Variants in CDKN2B-AS1 observed in about 807,000 individuals in gnomAD.
CDKN2B-AS1 encodes CDKN2B antisense RNA 1 (non-protein coding).
At chr9:22,077,247 A>T (rs1043731726) in intron 4 of CDKN2B-AS1, among the ~76,000 whole-genome samples, 1 of 150,172 alleles carries the variant, frequency 6.7e-6, no homozygotes, top group Non-Finnish European at 1.5e-5. Context: ...AATATACTTC[A>T]TTTAACTCAA....
At chr9:22,101,938 C>T (rs1825498404) in intron 4 of CDKN2B-AS1, among the ~76,000 whole-genome samples, 1 of 152,256 alleles carries the variant, frequency 6.6e-6, no homozygotes, top group South Asian at 2.1e-4. Flanking sequence ...GTCTATGGCA[C>T]ATACCTTAAA....
In CDKN2B-AS1 at chr9:22,027,275, T is replaced by A. The variant is rs10965214; in HGVS notation, n.30-19476T>A. On this transcript the variant is annotated intron_variant and non_coding_transcript_variant, in intron 1 of 4. Coordinates refer to ENST00000650946, the Ensembl canonical transcript of CDKN2B-AS1. ...ATTTTTTTACATTTATTTACATTGT[T>A]AAGCTGTTTTATTTTAAAAATTCTA... Among the ~76,000 whole-genome samples, 85 of 152,310 alleles carry A rather than the reference T, an allele frequency of 5.6e-4. 1 individual carries two copies. The East Asian group carries it at 0.016, about 29-fold the overall frequency.
chr9:22,024,703 G>A (rs905139071), intron 1 of CDKN2B-AS1, among the ~76,000 whole-genome samples: 10 of 152,218 alleles, frequency 6.6e-5, no homozygotes, highest in African/African-American at 2.4e-4. Context: ...TGCTAGTGGG[G>A]CAACTAAAGC....
intron 3 of CDKN2B-AS1, among the ~76,000 whole-genome samples, chr9:22,052,233 G>C (rs140107205): frequency 1.1e-4 from 16 of 152,084 alleles, no homozygotes; most frequent in Non-Finnish European, 2.2e-4. Flanking sequence ...TGGATGGGGG[G>C]CTTCAATGTC....
intron 4 of CDKN2B-AS1, chr9:22,118,885 G>C (rs1439455106): frequency 6.6e-6 from 1 of 152,110 alleles, no homozygotes; most frequent in African/African-American, 2.4e-5. Context: ...ATATAGGATT[G>C]TTAAATGGAT....
At chr9:22,067,412 A>G (rs531092898) in intron 4 of CDKN2B-AS1, among the ~76,000 whole-genome samples, 1 of 152,320 alleles carries the variant, frequency 6.6e-6, no homozygotes, top group Admixed American at 6.5e-5. Context: ...GAAGCTTCAT[A>G]GAACAAGAGC....
At chr9:22,075,830 C>A (rs1824470176) in intron 4 of CDKN2B-AS1, among the ~76,000 whole-genome samples, 1 of 152,110 alleles carries the variant, frequency 6.6e-6, no homozygotes, top group Non-Finnish European at 1.5e-5. Context: ...TAATACATCC[C>A]AGAAATGAAC....
At chr9:22,069,213 G>C (rs1030596091) in intron 4 of CDKN2B-AS1, among the ~76,000 whole-genome samples, 5 of 152,116 alleles carry the variant, frequency 3.3e-5, no homozygotes, top group Non-Finnish European at 1.5e-5. Context: ...AAAGTTTTGC[G>C]CCTGGCACTC....
chr9:22,055,516 T>C (rs1823522878), intron 3 of CDKN2B-AS1, among the ~76,000 whole-genome samples: 1 of 152,202 alleles, frequency 6.6e-6, no homozygotes, highest in African/African-American at 2.4e-5. Context: ...GCAGGATAAG[T>C]AGTTTTGCCA....
chr9:22,121,249 A>G (rs1237418729), intron 4 of CDKN2B-AS1, among the ~76,000 whole-genome samples: 2 of 152,178 alleles, frequency 1.3e-5, no homozygotes, highest in African/African-American at 4.8e-5. Context: ...GAGATAGATT[A>G]GATTGATAAT....
Position 22,035,865 on chromosome 9 carries a change from C to A in CDKN2B-AS1, n.30-10886C>A, listed in dbSNP as rs183268079. Among the ~76,000 whole-genome samples the A allele has an allele frequency of 6.6e-4, 101 of 152,204 alleles. 2 individuals are homozygous for A. In the East Asian group the frequency reaches 0.017, roughly 25 times the overall value. On this transcript the variant is annotated intron_variant and non_coding_transcript_variant, in intron 1 of 4. Transcript: ENST00000650946. ...TCTGAGGATCCTGAGTCATTGTAGA[C>A]ATGTACTGAATTAAAGAGAATTTTT...
intron 4 of CDKN2B-AS1, among the ~76,000 whole-genome samples, chr9:22,100,705 T>A (rs1259302492): frequency 2.0e-5 from 3 of 152,334 alleles, no homozygotes; most frequent in East Asian, 3.9e-4. Flanking sequence ...TATGGAAAAT[T>A]AATGTTTGAC....
intron 4 of CDKN2B-AS1, among the ~76,000 whole-genome samples, chr9:22,104,634 C>T (rs1825597803): frequency 6.6e-6 from 1 of 152,310 alleles, no homozygotes; most frequent in East Asian, 1.9e-4. Context: ...TTATATTTAC[C>T]TACTCTTTCA....
At position 22,016,046 on chromosome 9, in the gene CDKN2B-AS1, G is replaced by C. The variant is rs1273505694; in HGVS notation, n.29+20885G>C. Among the ~76,000 whole-genome samples, 3 of 152,114 alleles carry C rather than the reference G, an allele frequency of 2.0e-5. No homozygotes were observed. In the South Asian group the frequency reaches 6.2e-4, roughly 32 times the overall value. On this transcript the variant is annotated intron_variant and non_coding_transcript_variant, in intron 1 of 4. Coordinates refer to ENST00000650946, the Ensembl canonical transcript of CDKN2B-AS1. ...AAAATTTTCTCCCATTTTGTAGGTT[G>C]CCTGTTCACTCTGATGATAGTTTCT...
chr9:22,025,602 C>T (rs1393959164), intron 1 of CDKN2B-AS1, among the ~76,000 whole-genome samples: 1 of 152,112 alleles, frequency 6.6e-6, no homozygotes, highest in East Asian at 1.9e-4. Flanking sequence ...ATGCTGGGGG[C>T]CAGCTCCAGT....
chr9:22,051,934 C>T (rs1244190920), intron 3 of CDKN2B-AS1, among the ~76,000 whole-genome samples: 2 of 152,118 alleles, frequency 1.3e-5, no homozygotes, highest in Non-Finnish European at 2.9e-5. Context: ...TAGTTAAGAT[C>T]CTGTGAAACA....
chr9:22,086,570 T>G (rs971848940), intron 4 of CDKN2B-AS1, among the ~76,000 whole-genome samples: 1 of 152,176 alleles, frequency 6.6e-6, no homozygotes, highest in African/African-American at 2.4e-5. Context: ...TTCCCATGAC[T>G]TCTCTGAAGC....
chr9:22,108,493 G>A (rs566395674), intron 4 of CDKN2B-AS1, among the ~76,000 whole-genome samples: 12 of 152,274 alleles, frequency 7.9e-5, no homozygotes, highest in African/African-American at 2.9e-4. Context: ...AAGTTATAAG[G>A]TAGTTAAGTT....
chr9:22,053,316 CTAAGTTTCCATTGACCATGAAAGAGTGAT>C (rs1823431745), intron 3 of CDKN2B-AS1, among the ~76,000 whole-genome samples: 1 of 152,150 alleles, frequency 6.6e-6, no homozygotes, highest in Admixed American at 6.6e-5. Context: ...ATCTAGGTTT[CTAAGTTTCCATTGACCATGAAAGAGTGAT>C]TAGTTTTAGA....
Sources: gnomAD v4.1 joint callset for allele counts (sites outside exome capture counted in the v4.1 genomes callset) on GRCh38, gnomAD v4.1.1 for gene constraint, MANE v1.5 for transcripts, NCBI Gene and HGNC (gene_info 2026-07-23, HGNC 2026-07-21) for gene names.